Variants in RYR2 observed in about 807,000 individuals in gnomAD.
RYR2 encodes ryanodine receptor 2, also known as cardiac muscle ryanodine receptor-calcium release channel.
Under a neutral mutation model 601.1 loss-of-function variants are expected in RYR2, and 227 were observed. The observed-to-expected ratio is 0.38, with a 90% CI of 0.34 to 0.42. The LOEUF (loss-of-function observed/expected upper bound fraction) is 0.42, where lower values mean the gene tolerates loss of function less well. Among genes scored for constraint, RYR2 ranks in the 10% least tolerant of loss-of-function variants. The pLI is 1.00. For synonymous variants in RYR2, 2,223 were observed against 2,175.1 expected (o/e 1.02, Z -0.61); for missense variants, 4,646 against 6,156.5 (o/e 0.75, Z 8.21).
intron 27 of RYR2, among the ~76,000 whole-genome samples, chr1:237,551,824 T>C (rs1349594689): frequency 6.6e-6 from 1 of 152,186 alleles, no homozygotes; most frequent in Non-Finnish European, 1.5e-5. Context: ...TTTACAATTA[T>C]TATTTAATCC....
chr1:237,667,400 A>G (rs1684423266), intron 57 of RYR2, among the ~76,000 whole-genome samples: 1 of 152,212 alleles, frequency 6.6e-6, no homozygotes, highest in African/African-American at 2.4e-5. Flanking sequence ...TCCGGGAGGT[A>G]ATCTTATCAA....
chr1:237,443,410 T>G (rs984325776), intron 13 of RYR2, among the ~76,000 whole-genome samples: 2 of 152,182 alleles, frequency 1.3e-5, no homozygotes, highest in African/African-American at 2.4e-5. Context: ...TTACTTAGCT[T>G]TTTAAAAATA....
intron 3 of RYR2, among the ~76,000 whole-genome samples, chr1:237,352,279 T>C (rs1698919781): frequency 6.6e-6 from 1 of 152,048 alleles, no homozygotes; most frequent in African/African-American, 2.4e-5. Flanking sequence ...AAAATTCAGT[T>C]ATATCAGTTA....
intron 56 of RYR2, among the ~76,000 whole-genome samples, chr1:237,664,229 A>G (rs1573408216): frequency 6.6e-6 from 1 of 152,210 alleles, no homozygotes; most frequent in East Asian, 1.9e-4. Context: ...ATCTAGAACT[A>G]AAATACAAGA....
intron 1 of RYR2, among the ~76,000 whole-genome samples, chr1:237,177,620 A>G (rs1678202689): frequency 6.6e-6 from 1 of 152,232 alleles, no homozygotes; most frequent in Admixed American, 6.5e-5. Context: ...ATTGATGTTT[A>G]TAGCTATAGA....
At chr1:237,486,946 A>G (rs1327424501) in intron 17 of RYR2, among the ~76,000 whole-genome samples, 2 of 152,146 alleles carry the variant, frequency 1.3e-5, no homozygotes, top group African/African-American at 4.8e-5. Context: ...ATATATTTCT[A>G]TGATGTTAAA....
chr1:237,205,317 G>A (rs1436465290), intron 1 of RYR2, among the ~76,000 whole-genome samples: 1 of 152,186 alleles, frequency 6.6e-6, no homozygotes, highest in East Asian at 1.9e-4. Context: ...CAGAGCTGTA[G>A]AGCCCTTGGG....
At chr1:237,376,168 T>C (rs1229482455) in intron 7 of RYR2, among the ~76,000 whole-genome samples, 2 of 152,212 alleles carry the variant, frequency 1.3e-5, no homozygotes, top group Admixed American at 1.3e-4. Context: ...TGTAAAAATG[T>C]GAATTGGATG....
intron 1 of RYR2, among the ~76,000 whole-genome samples, chr1:237,103,255 A>G (rs542904238): frequency 6.6e-6 from 1 of 152,358 alleles, no homozygotes; most frequent in Admixed American, 6.5e-5. Context: ...CAGCTTCCGA[A>G]CACTGTCCTA....
intron 1 of RYR2, among the ~76,000 whole-genome samples, chr1:237,131,307 A>G (rs1672147751): frequency 6.6e-6 from 1 of 152,122 alleles, no homozygotes; most frequent in Non-Finnish European, 1.5e-5. Flanking sequence ...AAGAAAAGGC[A>G]TGTACATTTC....
chr1:237,477,211 C>G (rs966961342), intron 17 of RYR2, among the ~76,000 whole-genome samples: 2 of 151,976 alleles, frequency 1.3e-5, no homozygotes. Context: ...GCCAACAAGG[C>G]GAAACCTCGT....
At chr1:237,660,318 T>G (rs1683657182) in intron 55 of RYR2, among the ~76,000 whole-genome samples, 2 of 152,168 alleles carry the variant, frequency 1.3e-5, no homozygotes, top group Admixed American at 1.3e-4. Context: ...CTTTTTGGTT[T>G]TTATTCCTCT....
At chr1:237,057,041 G>T (rs1191954993) in intron 1 of RYR2, among the ~76,000 whole-genome samples, 1 of 152,176 alleles carries the variant, frequency 6.6e-6, no homozygotes, top group African/African-American at 2.4e-5. Context: ...CTAGAAGTGT[G>T]GATTTAGTGT....
chr1:237,761,019 G>A lies in RYR2; in HGVS notation c.11467G>A (p.Glu3823Lys), dbSNP rs1262210798. The change falls in exon 84 of 105, where the codon GAA becomes AAA. Residue 3823 changes from glutamate (E) to lysine (K), a missense_variant. Coordinates refer to ENST00000366574, the MANE Select transcript of RYR2 (RefSeq NM_001035.3). ...KAEGLGMVTE[E>K]GSGEKVLQDD... Reference sequence around the variant, plus strand: ...TGAAGGTCTTGGGATGGTGACAGAGGAAGGATCAGGTATTAATGACTTACA... The same window carrying A: ...TGAAGGTCTTGGGATGGTGACAGAGAAAGGATCAGGTATTAATGACTTACA... 5 of 1,570,000 alleles carry A rather than the reference G, an allele frequency of 3.2e-6. No individual in the cohort carries two copies. The highest frequency in any genetic ancestry group is 2.3e-5 in the East Asian group (1 of 43,094).
intron 1 of RYR2, among the ~76,000 whole-genome samples, chr1:237,052,347 A>T (rs1187725483): frequency 1.3e-5 from 2 of 152,230 alleles, no homozygotes; most frequent in Non-Finnish European, 2.9e-5. Context: ...TTGGGCTCCA[A>T]AACTCACGGA....
At chr1:237,087,759 C>T (rs928380885) in intron 1 of RYR2, among the ~76,000 whole-genome samples, 7 of 152,114 alleles carry the variant, frequency 4.6e-5, no homozygotes, top group African/African-American at 1.7e-4. Context: ...TCCTACATTC[C>T]CCCCTCCACA....
intron 1 of RYR2, among the ~76,000 whole-genome samples, chr1:237,203,706 T>TGAGGGAAAATTTACAC (rs1310173463): frequency 5.3e-5 from 8 of 152,214 alleles, no homozygotes; most frequent in Non-Finnish European, 1.0e-4. Context: ...TTTTTTTTAT[T>TGAGGGAAAATTTACAC]GAGGGAAAAT....
chr1:237,183,224 G>T (rs1678987944), intron 1 of RYR2, among the ~76,000 whole-genome samples: 1 of 152,154 alleles, frequency 6.6e-6, no homozygotes, highest in South Asian at 2.1e-4. Context: ...AACCTACTTT[G>T]CATTGATTTG....
At chr1:237,685,446 CA>C (rs1686299629) in intron 62 of RYR2, among the ~76,000 whole-genome samples, 1 of 152,160 alleles carries the variant, frequency 6.6e-6, no homozygotes, top group Non-Finnish European at 1.5e-5. Flanking sequence ...AGACATAGAG[CA>C]GTCTGCCATT....
Sources: gnomAD v4.1 joint callset for allele counts (sites outside exome capture counted in the v4.1 genomes callset) on GRCh38, gnomAD v4.1.1 for gene constraint, MANE v1.5 for transcripts, NCBI Gene and HGNC (gene_info 2026-07-23, HGNC 2026-07-21) for gene names.